Variants in GNG2 observed in about 807,000 individuals in gnomAD.
The protein encoded by GNG2 is guanine nucleotide-binding protein G(I)/G(S)/G(O) subunit gamma-2.
In GNG2, 5 loss-of-function variants were observed where a neutral mutation model predicts 5.5. The ratio of observed to expected loss-of-function variants is 0.91; its 90% CI spans 0.48 to 1.92. The LOEUF is 1.92. GNG2 is among the 30% of genes most tolerant of loss of function. The pLI is 0.01. For synonymous variants in GNG2, 28 were observed against 32.0 expected (o/e 0.88, Z 0.42); for missense variants, 55 against 88.4 (o/e 0.62, Z 1.52).
chr14:51,914,337 A>G, intron 2 of GNG2: 1 of 700,400 alleles, frequency 1.4e-6, no homozygotes, highest in Non-Finnish European at 2.6e-6. Context: ...AAACTGATGA[A>G]GAAACACAGG....
chr14:51,935,442 C>T (rs954751165), intron 2 of GNG2, among the ~76,000 whole-genome samples: 1 of 152,188 alleles, frequency 6.6e-6, no homozygotes, highest in Admixed American at 6.5e-5. Context: ...CACTCCCACC[C>T]ATCCATTCTC....
intron 2 of GNG2, among the ~76,000 whole-genome samples, chr14:51,838,740 C>CA (rs1231305062): frequency 6.6e-6 from 1 of 152,074 alleles, no homozygotes; most frequent in Non-Finnish European, 1.5e-5. Flanking sequence ...TCCATCTCTA[C>CA]AAAAAATATA....
At chr14:51,858,891 G>A (rs889689837), upstream of GNG2, among the ~76,000 whole-genome samples, 2 of 152,068 alleles carry the variant, frequency 1.3e-5, no homozygotes, top group Non-Finnish European at 2.9e-5. Context: ...TTGACATCAG[G>A]GTCCTTTTTG....
intron 2 of GNG2, among the ~76,000 whole-genome samples, chr14:51,832,415 A>G (rs913186825): frequency 6.6e-6 from 1 of 152,234 alleles, no homozygotes; most frequent in African/African-American, 2.4e-5. Flanking sequence ...TAGATACAAA[A>G]CTATTACAGG....
At chr14:51,932,373 C>A (rs906787167) in intron 2 of GNG2, among the ~76,000 whole-genome samples, 1 of 151,648 alleles carries the variant, frequency 6.6e-6, no homozygotes, top group African/African-American at 2.4e-5. Context: ...AGACATTACG[C>A]TAAGTGAAAT....
intron 2 of GNG2, among the ~76,000 whole-genome samples, chr14:51,907,759 T>C (rs185372844): frequency 1.3e-5 from 2 of 152,338 alleles, no homozygotes; most frequent in East Asian, 3.9e-4. Context: ...TGATGTCCCT[T>C]GGATTCAGTC....
intron 2 of GNG2, among the ~76,000 whole-genome samples, chr14:51,881,551 G>A (rs1312731453): frequency 6.6e-6 from 1 of 152,050 alleles, no homozygotes; most frequent in East Asian, 1.9e-4. Flanking sequence ...GAAGGTCCTG[G>A]GGCCTCATCC....
intron 2 of GNG2, among the ~76,000 whole-genome samples, chr14:51,882,792 G>A (rs57826933): frequency 2.0e-5 from 3 of 151,954 alleles, no homozygotes; most frequent in Admixed American, 1.3e-4. Context: ...GGCGGATCAC[G>A]AGGTCAGGAG....
Position 51,967,042 on chromosome 14 carries a change from A to G in GNG2, c.*355A>G, listed in dbSNP as rs988520219. On this transcript the variant is annotated 3_prime_UTR_variant, in exon 4 of 4. Coordinates refer to ENST00000556766, the MANE Select transcript of GNG2 (RefSeq NM_053064.5). ...AAACAGACAGCTGTACTGAGGTAAG[A>G]TATGTGTGACCTTCTTGGAATGAAT... is the stretch of plus-strand genomic sequence containing the variant. 1.3e-5 allele frequency: 2 copies of G among 151,314 alleles called. No individual in the cohort carries two copies. Among genetic ancestry groups the G allele is most frequent in the African/African-American group, 5.1e-5 (2 of 38,966 alleles). 9.4% of individuals were successfully genotyped at this position (151,314 alleles called of 1,614,324 possible).
intron 2 of GNG2, 31 bp from the exon 3 acceptor site, chr14:51,950,619 G>A (rs761174043): frequency 1.9e-5 from 25 of 1,319,040 alleles, no homozygotes; most frequent in Non-Finnish European, 2.7e-5. Flanking sequence ...TGAATTCTCT[G>A]GTACAATCTT....
At chr14:51,936,002 T>G (rs1887980270) in intron 2 of GNG2, among the ~76,000 whole-genome samples, 1 of 152,132 alleles carries the variant, frequency 6.6e-6, no homozygotes, top group Non-Finnish European at 1.5e-5. Flanking sequence ...GAGGAGCCAT[T>G]TTTCTAACTT....
chr14:51,918,603 A>T (rs1444083871), intron 2 of GNG2: 1 of 151,774 alleles, frequency 6.6e-6, no homozygotes, highest in Non-Finnish European at 1.5e-5. Flanking sequence ...TAAGTAAAAA[A>T]ATAAACTAAC....
intron 2 of GNG2, among the ~76,000 whole-genome samples, chr14:51,886,916 GA>G (rs1303861716): frequency 6.6e-6 from 1 of 152,180 alleles, no homozygotes; most frequent in Non-Finnish European, 1.5e-5. Flanking sequence ...GAGGCAAATG[GA>G]AGATATACAG....
At chr14:51,854,573 T>A (rs1367092158) in intron 2 of GNG2, among the ~76,000 whole-genome samples, 1 of 152,088 alleles carries the variant, frequency 6.6e-6, no homozygotes, top group Non-Finnish European at 1.5e-5. Context: ...GCAGTGGTGC[T>A]ATCTTGGCTC....
intron 3 of GNG2, among the ~76,000 whole-genome samples, chr14:51,966,231 A>AAAAAAAG (rs61013183): frequency 0.28 from 29,823 of 108,310 alleles, 6,709 homozygotes; most frequent in Non-Finnish European, 0.38. Context: ...AAAAAAAAAA[A>AAAAAAAG]AAAAAACAAA....
At chr14:51,931,456 C>T (rs1037070580) in intron 2 of GNG2, among the ~76,000 whole-genome samples, 2 of 152,080 alleles carry the variant, frequency 1.3e-5, no homozygotes, top group Non-Finnish European at 2.9e-5. Flanking sequence ...ATATATGGGC[C>T]TAGAGGTGAG....
chr14:51,951,850 C>T (rs955139042), intron 3 of GNG2: 1 of 701,164 alleles, frequency 1.4e-6, no homozygotes, highest in Non-Finnish European at 2.6e-6. Flanking sequence ...CCATATGGCC[C>T]ACAAAGCTAA....
At chr14:51,898,273 T>A (rs1170154213) in intron 2 of GNG2, among the ~76,000 whole-genome samples, 1 of 152,204 alleles carries the variant, frequency 6.6e-6, no homozygotes, top group Non-Finnish European at 1.5e-5. Flanking sequence ...TTTTTTCCTT[T>A]CTTAGTGGTT....
intron 2 of GNG2, among the ~76,000 whole-genome samples, chr14:51,835,412 T>A (rs1881303509): frequency 6.6e-6 from 1 of 152,256 alleles, no homozygotes; most frequent in African/African-American, 2.4e-5. Context: ...TTAGCTGTAA[T>A]GTTTCAGAGG....
Sources: gnomAD v4.1 joint callset for allele counts (sites outside exome capture counted in the v4.1 genomes callset) on GRCh38, gnomAD v4.1.1 for gene constraint, MANE v1.5 for transcripts, NCBI Gene and HGNC (gene_info 2026-07-23, HGNC 2026-07-21) for gene names.